CPNE4: variants seen among roughly 807,000 people sequenced by gnomAD.
The protein encoded by CPNE4 is copine-4.
Under a neutral mutation model 67.9 loss-of-function variants are expected in CPNE4, and 25 were observed. The observed-to-expected ratio is 0.37, with a 90% CI of 0.27 to 0.51. The LOEUF is 0.51. Ranked by LOEUF, CPNE4 falls within the 20% of genes least tolerant of loss-of-function variation. CPNE4 has a pLI of 0.93. For synonymous variants in CPNE4, 242 were observed against 244.9 expected (o/e 0.99, Z 0.11); for missense variants, 464 against 690.8 (o/e 0.67, Z 3.68).
intron 3 of CPNE4, among the ~76,000 whole-genome samples, chr3:131,709,149 A>T (rs1198177735): frequency 6.6e-6 from 1 of 151,922 alleles, no homozygotes; most frequent in African/African-American, 2.4e-5. Context: ...TTTATTAGTT[A>T]TCTCTCAATG....
At chr3:131,753,632 T>A (rs2082683703) in intron 2 of CPNE4, among the ~76,000 whole-genome samples, 1 of 152,106 alleles carries the variant, frequency 6.6e-6, no homozygotes, top group Non-Finnish European at 1.5e-5. Context: ...AAACAGATAA[T>A]TCACAGAAAT....
chr3:131,913,745 T>C (rs913682713), intron 1 of CPNE4, among the ~76,000 whole-genome samples: 1 of 152,202 alleles, frequency 6.6e-6, no homozygotes, highest in African/African-American at 2.4e-5. Context: ...GGGGCAAGAA[T>C]TGCAAACTCA....
At chr3:131,784,201 C>T (rs1354912514) in intron 2 of CPNE4, among the ~76,000 whole-genome samples, 2 of 151,952 alleles carry the variant, frequency 1.3e-5, no homozygotes, top group Non-Finnish European at 2.9e-5. Context: ...AGCCTCCCTG[C>T]TTGGCACTTT....
At chr3:132,024,243 C>T (rs2369363) in intron 1 of CPNE4, among the ~76,000 whole-genome samples, 101,818 of 151,764 alleles carry the variant, frequency 0.67, 34,947 homozygotes, top group South Asian at 0.74. Context: ...ACCACCACGC[C>T]GGGCTAATTT....
intron 7 of CPNE4, chr3:131,620,492 C>A: frequency 3.0e-6 from 3 of 983,982 alleles, no homozygotes; most frequent in Non-Finnish European, 3.6e-6. Context: ...AGTGAAGACA[C>A]GGCTGATGGT....
At chr3:131,720,671 T>C (rs2081860108) in intron 3 of CPNE4, among the ~76,000 whole-genome samples, 1 of 152,196 alleles carries the variant, frequency 6.6e-6, no homozygotes, top group Admixed American at 6.5e-5. Flanking sequence ...GAAATATCTG[T>C]AATGTTTGCA....
At chr3:131,742,801 C>T (rs1367165612) in intron 2 of CPNE4, among the ~76,000 whole-genome samples, 1 of 152,042 alleles carries the variant, frequency 6.6e-6, no homozygotes, top group Non-Finnish European at 1.5e-5. Context: ...ATAGATATTT[C>T]AAACACCTTA....
At chr3:131,632,583 C>T (rs778233347) in intron 7 of CPNE4, among the ~76,000 whole-genome samples, 2 of 152,062 alleles carry the variant, frequency 1.3e-5, no homozygotes, top group African/African-American at 2.4e-5. Flanking sequence ...TGATGAATTC[C>T]TCCTCCTTAA....
At chr3:131,764,177 G>A (rs1453151822) in intron 2 of CPNE4, among the ~76,000 whole-genome samples, 2 of 151,640 alleles carry the variant, frequency 1.3e-5, no homozygotes, top group Non-Finnish European at 2.9e-5. Flanking sequence ...CACAACAATG[G>A]AATATTTTTG....
At chr3:131,837,631 A>G (rs1265046621) in intron 2 of CPNE4, among the ~76,000 whole-genome samples, 3 of 151,202 alleles carry the variant, frequency 2.0e-5, no homozygotes, top group African/African-American at 7.3e-5. Flanking sequence ...TGGTTGTACA[A>G]ATCTACACAT....
chr3:131,589,513 C>T lies in CPNE4; in HGVS notation c.682-1931G>A, dbSNP rs181148437. On this transcript the variant is annotated intron_variant, in intron 7 of 15. Transcript: ENST00000429747. ...TGAGGGTGAGTCTTCCTCTCTCAGT[C>T]CACTGACTCAAATGGCAGTCTCCTC... Among the ~76,000 whole-genome samples, 32 of 152,314 alleles carry T rather than the reference C, an allele frequency of 2.1e-4. 1 individual carries two copies. The East Asian group carries it at 6.0e-3, about 29-fold the overall frequency.
chr3:131,594,652 G>A (rs1246822452), intron 7 of CPNE4, among the ~76,000 whole-genome samples: 1 of 152,116 alleles, frequency 6.6e-6, no homozygotes, highest in Non-Finnish European at 1.5e-5. Flanking sequence ...TTATTTATTG[G>A]ATATAATGGT....
At chr3:131,919,455 C>G (rs917456030) in intron 1 of CPNE4, among the ~76,000 whole-genome samples, 2 of 152,108 alleles carry the variant, frequency 1.3e-5, no homozygotes, top group Non-Finnish European at 2.9e-5. Context: ...AAATACAAAA[C>G]AGTACATGCT....
chr3:131,720,484 C>T (rs1347272360), intron 3 of CPNE4, among the ~76,000 whole-genome samples: 1 of 152,068 alleles, frequency 6.6e-6, no homozygotes, highest in Non-Finnish European at 1.5e-5. Context: ...TGGGGTTTCA[C>T]CGTGTTAGCC....
At chr3:131,649,481 A>G (rs546187923) in intron 7 of CPNE4, among the ~76,000 whole-genome samples, 41 of 152,342 alleles carry the variant, frequency 2.7e-4, no homozygotes, top group African/African-American at 9.4e-4. Flanking sequence ...GTGGCACACT[A>G]TAGGGCCAGT....
At chr3:131,814,297 C>A (rs1054505297) in intron 2 of CPNE4, among the ~76,000 whole-genome samples, 9 of 152,094 alleles carry the variant, frequency 5.9e-5, no homozygotes, top group Non-Finnish European at 1.3e-4. Context: ...AGAAATAAGG[C>A]TAACAGAGCA....
intron 2 of CPNE4, among the ~76,000 whole-genome samples, chr3:131,846,475 G>A (rs2086002380): frequency 1.3e-5 from 2 of 152,066 alleles, no homozygotes; most frequent in South Asian, 4.1e-4. Flanking sequence ...CATCATTCCA[G>A]TTTCCCCAGC....
intron 2 of CPNE4, among the ~76,000 whole-genome samples, chr3:131,799,927 G>GTGTGTGTGTGTGT (rs2070529223): frequency 1.2e-5 from 1 of 81,256 alleles, no homozygotes; most frequent in Non-Finnish European, 2.4e-5. Context: ...TGTTGTGTGT[G>GTGTGTGTGTGTGT]TGTGTGTGTG....
intron 2 of CPNE4, among the ~76,000 whole-genome samples, chr3:131,746,913 C>T (rs959661332): frequency 1.3e-5 from 2 of 152,134 alleles, no homozygotes; most frequent in African/African-American, 4.8e-5. Flanking sequence ...TTCCTTTCCT[C>T]CACATCCTCA....
Sources: allele counts gnomAD v4.1 joint callset (sites outside exome capture counted in the v4.1 genomes callset), GRCh38; gene constraint gnomAD v4.1.1; transcripts MANE v1.5; gene names NCBI Gene and HGNC (gene_info 2026-07-23, HGNC 2026-07-21).